Variants in ZNF195 observed in about 807,000 individuals in gnomAD.
ZNF195 encodes zinc finger protein 195.
In ZNF195, 11 loss-of-function variants were observed where a neutral mutation model predicts 19.5. The ratio of observed to expected loss-of-function variants is 0.57; its 90% confidence interval spans 0.36 to 0.94. The LOEUF (loss-of-function observed/expected upper bound fraction) is 0.94, where lower values mean the gene tolerates loss of function less well. Among genes scored for constraint, ZNF195 ranks in the 40% least tolerant of loss-of-function variants. The probability of loss-of-function intolerance (pLI) is 0.01; values close to 1 mark genes in which losing one functional copy is unlikely to be tolerated. For synonymous variants in ZNF195, 214 were observed against 248.1 expected (o/e 0.86, Z 1.29); for missense variants, 582 against 709.0 (o/e 0.82, Z 2.03).
chr11:3,368,246 T>C (rs956288511), intron 3 of ZNF195, among the ~76,000 whole-genome samples: 117 of 152,184 alleles, frequency 7.7e-4, no homozygotes, highest in Non-Finnish European at 1.9e-4. Context: ...AATGGTGACA[T>C]AGGTGGACCC....
In ZNF195 at chr11:3,359,264, C is replaced by T. The variant is rs779876785; in HGVS notation, c.1744G>A (p.Glu582Lys). 1.4e-5 allele frequency: 23 copies of T among 1,613,536 alleles called. No individual in the cohort carries two copies. The highest frequency in any genetic ancestry group is 6.7e-5 in the African/African-American group (5 of 74,704). The change falls in exon 6 of 6, where the codon GAA (glutamate) becomes AAA (lysine). Residue 582 changes from glutamate to lysine, a missense_variant. Glu to Lys is a moderately conservative substitution (Grantham distance 56). This residue lies in a region of ZNF195 where 407 missense variants were observed against 530.5 expected (regional missense o/e 0.77). Transcript: ENST00000399602. The surrounding 1 kb of genome is among the most constrained non-coding windows in gnomAD (Gnocchi z 5.5). ...HTGEKPYKCDECGKNFTQSSN... is the reference protein window; with the variant it reads ...HTGEKPYKCDKCGKNFTQSSN... ...GACTGGGTAAAGTTTTTTCCACATTCGTCACATTTGTAGGGTTTCTCTCCA... is the reference window on the plus strand; with the variant it reads ...GACTGGGTAAAGTTTTTTCCACATTTGTCACATTTGTAGGGTTTCTCTCCA...
chr11:3,374,731 A>G (rs1025098346), intron 1 of ZNF195, among the ~76,000 whole-genome samples: 3 of 152,170 alleles, frequency 2.0e-5, no homozygotes, highest in African/African-American at 7.2e-5. Context: ...TAACGTTTTA[A>G]AAGTGTAGTG....
chr11:3,361,359 G>T (rs1019103173), intron 4 of ZNF195, among the ~76,000 whole-genome samples: 26 of 152,064 alleles, frequency 1.7e-4, no homozygotes, highest in African/African-American at 5.8e-4. Context: ...CATAATCAAA[G>T]AAATAAAAAA....
intron 3 of ZNF195, among the ~76,000 whole-genome samples, chr11:3,367,750 A>G (rs1039025284): frequency 2.6e-5 from 4 of 152,112 alleles, no homozygotes; most frequent in Non-Finnish European, 5.9e-5. Flanking sequence ...ATTTATATAC[A>G]GGTTGAAGAA....
At chr11:3,370,480 T>C (rs2133712989) in intron 3 of ZNF195, among the ~76,000 whole-genome samples, 1 of 152,358 alleles carries the variant, frequency 6.6e-6, no homozygotes, top group Middle Eastern at 3.4e-3. Flanking sequence ...TATACATTTC[T>C]GTAGACTCCC....
In ZNF195 at chr11:3,359,524, GT is replaced by G; in HGVS notation, c.1483del (p.Thr495ArgfsTer127). 6.2e-7 allele frequency: 1 copy of G among 1,613,966 alleles called. No individual in the cohort carries two copies. Among genetic ancestry groups the G allele is most frequent in the Non-Finnish European group, 8.5e-7 (1 of 1,179,990 alleles). On this transcript the variant is annotated frameshift_variant, in exon 6 of 6. Transcript: ENST00000399602. LOFTEE classifies it low-confidence loss of function (END_TRUNC). The surrounding 1 kb of genome is among the most constrained non-coding windows in gnomAD (Gnocchi z 5.5). The part of the protein sequence containing the change: ...KRTHSEEKPY[T>X]CEECGNIFKQ... ...AAAGATGTTGCCACATTCTTCACACGTGTAGGGTTTTTCTTCAGAATGAGTT... is the reference window on the plus strand; with the variant it reads ...AAAGATGTTGCCACATTCTTCACACGGTAGGGTTTTTCTTCAGAATGAGTT...
intron 1 of ZNF195, among the ~76,000 whole-genome samples, chr11:3,373,923 C>G (rs570702317): frequency 1.4e-4 from 22 of 152,314 alleles, no homozygotes; most frequent in African/African-American, 5.3e-4. Context: ...CCTCTGAAAC[C>G]TAGGCAAAGA....
Position 3,379,127 on chromosome 11 carries a change from G to A in ZNF195, c.-87C>T, listed in dbSNP as rs1029810445. ...CGACCTACGGCTAGCAGGGGACACA[G>A]AGCCGCGGGGACAGGAAGTGGAGCT... On this transcript the variant is annotated 5_prime_UTR_variant, in exon 1 of 6. Coordinates refer to ENST00000399602, the MANE Select transcript of ZNF195 (RefSeq NM_001130520.3). The A allele has an allele frequency of 5.4e-5, 75 of 1,394,278 alleles. No homozygotes were observed. Among genetic ancestry groups the A allele is most frequent in the South Asian group, 2.1e-4 (13 of 61,080 alleles). 86.4% of individuals were successfully genotyped at this position (1,394,278 alleles called of 1,614,324 possible).
Position 3,358,872 on chromosome 11 carries a change from T to C in ZNF195, c.*246A>G, listed in dbSNP as rs1473308591. The C allele has an allele frequency of 2.3e-5, 7 of 304,036 alleles. No individual in the cohort carries two copies. The highest frequency in any genetic ancestry group is 3.8e-5 in the Non-Finnish European group (7 of 183,898). The allele number at this position is 304,036 out of a possible 1,614,324, so 18.8% of individuals were successfully genotyped here. A position where few individuals can be genotyped will look rare whatever the true frequency, so the allele number is the denominator to read the frequency against. ...CAAATGTTATTCCACATTTATGAGA[T>C]TTGTTGGGTTTCTCTACAAATTTTC... On this transcript the variant is annotated 3_prime_UTR_variant, in exon 6 of 6. Transcript: ENST00000399602.
At chr11:3,379,013 C>G (rs1192268022) in intron 1 of ZNF195, 25 bp downstream of exon 1, 1 of 1,421,788 alleles carries the variant, frequency 7.0e-7, no homozygotes, top group Non-Finnish European at 9.3e-7. Flanking sequence ...CCCTGTCTCT[C>G]AGGAGGCCTG....
At chr11:3,363,316 A>G (rs1279293993) in intron 3 of ZNF195, 1 of 152,164 alleles carries the variant, frequency 6.6e-6, no homozygotes, top group Non-Finnish European at 1.5e-5. Context: ...ACAGATATAG[A>G]GAGAACACTC....
chr11:3,368,731 C>A, intron 3 of ZNF195: 1 of 401,318 alleles, frequency 2.5e-6, no homozygotes, highest in Non-Finnish European at 5.1e-6. Context: ...GGAAAACTGC[C>A]GCAGAGACCA....
At chr11:3,367,902 T>C in intron 3 of ZNF195, among the ~76,000 whole-genome samples, 1 of 151,840 alleles carries the variant, frequency 6.6e-6, no homozygotes, top group Non-Finnish European at 1.5e-5. Context: ...ACAAACCCCA[T>C]CTCTACTAAA....
chr11:3,373,526 G>T, intron 1 of ZNF195: 1 of 1,410,078 alleles, frequency 7.1e-7, no homozygotes, highest in South Asian at 1.2e-5. Flanking sequence ...CTAAACACAT[G>T]ACATTTCAGG....
intron 1 of ZNF195, among the ~76,000 whole-genome samples, chr11:3,376,928 G>A (rs1849495925): frequency 6.6e-6 from 1 of 152,206 alleles, no homozygotes; most frequent in African/African-American, 2.4e-5. Flanking sequence ...TGTAGAAAAT[G>A]TAAACATTCT....
At chr11:3,362,749 A>T (rs944336654) in intron 3 of ZNF195, 25 of 345,258 alleles carry the variant, frequency 7.2e-5, no homozygotes, top group African/African-American at 3.9e-4. Flanking sequence ...ATTTCAGTAA[A>T]TTGCTTATTT....
chr11:3,370,203 CAT>C (rs1210412321), intron 3 of ZNF195, among the ~76,000 whole-genome samples: 3 of 11,150 alleles, frequency 2.7e-4, no homozygotes, highest in Admixed American at 1.3e-3. Context: ...TATACACACA[CAT>C]ATATACACAC....
At chr11:3,370,924 C>T (rs377322680) in intron 3 of ZNF195, 51 bp downstream of exon 3, 76 of 1,589,500 alleles carry the variant, frequency 4.8e-5, no homozygotes, top group South Asian at 1.9e-4. Flanking sequence ...GCTTCCTCCT[C>T]GACCTCTGGA....
At chr11:3,375,863 A>C (rs1849437348) in intron 1 of ZNF195, among the ~76,000 whole-genome samples, 2 of 152,118 alleles carry the variant, frequency 1.3e-5, no homozygotes, top group Admixed American at 1.3e-4. Context: ...TGTCAGCCTG[A>C]GCCCCGTCTG....
Sources: allele counts gnomAD v4.1 joint callset (sites outside exome capture counted in the v4.1 genomes callset), GRCh38; gene constraint gnomAD v4.1.1; regional missense constraint gnomAD v4.1.1; non-coding constraint Gnocchi (gnomAD v3.1); transcripts MANE v1.5; gene names NCBI Gene and HGNC (gene_info 2026-07-23, HGNC 2026-07-21).